SLC9A4: variants seen among roughly 807,000 people sequenced by gnomAD.
SLC9A4 encodes solute carrier family 9 member A4.
Under a neutral mutation model 67.4 loss-of-function variants are expected in SLC9A4, and 63 were observed. The observed-to-expected ratio is 0.93, with a 90% CI of 0.76 to 1.15. The LOEUF is 1.15. SLC9A4 is among the 50% of genes most tolerant of loss of function. The probability of loss-of-function intolerance (pLI) is 0.00; values close to 1 mark genes in which losing one functional copy is unlikely to be tolerated. For missense variants in SLC9A4, 1,089 were observed against 987.7 expected (o/e 1.10, Z -1.38); for synonymous variants, 393 against 367.2 (o/e 1.07, Z -0.80).
At position 102,523,133 on chromosome 2, in the gene SLC9A4, A is replaced by ATT. The variant is rs33951404; in HGVS notation, c.1819-1879_1819-1878dup. ...GCAGGTTCACACCACCACACCCAGC[A>ATT]TTTTTTTTTTTTTGTATTTTTTGTA... is the stretch of plus-strand genomic sequence containing the variant. On this transcript the variant is annotated intron_variant, in intron 9 of 11. Transcript: ENST00000295269. Among the ~76,000 whole-genome samples, 77 of 148,432 alleles carry ATT rather than the reference A, an allele frequency of 5.2e-4. 1 individual carries two copies. In the East Asian group the frequency reaches 8.5e-3, roughly 16 times the overall value.
chr2:102,492,161 G>C (rs764824249), intron 2 of SLC9A4, among the ~76,000 whole-genome samples: 11 of 152,244 alleles, frequency 7.2e-5, no homozygotes, highest in Admixed American at 5.9e-4. Flanking sequence ...TCATGGGCTG[G>C]TGTTGAGGGT....
chr2:102,521,780 T>C (rs942223204), intron 9 of SLC9A4, among the ~76,000 whole-genome samples: 5 of 152,198 alleles, frequency 3.3e-5, no homozygotes, highest in Non-Finnish European at 7.3e-5. Flanking sequence ...GCCTGGGTGA[T>C]AGATGCAGGC....
rs1674809205 is a variant in SLC9A4 at position 102,532,888 on chromosome 2, G to C, written c.*200G>C. ...AGGCTCTGCCATGTACTTATTGTGG[G>C]GTACCTTTAGATGAATTCCCTGTGA... On this transcript the variant is annotated 3_prime_UTR_variant, in exon 12 of 12. Coordinates refer to ENST00000295269, the MANE Select transcript of SLC9A4 (RefSeq NM_001011552.4). The C allele has an allele frequency of 3.8e-6, 2 of 520,370 alleles. No individual in the cohort carries two copies. Among genetic ancestry groups the C allele is most frequent in the African/African-American group, 3.8e-5 (2 of 52,758 alleles). The allele number at this position is 520,370 out of a possible 1,614,324, so 32.2% of individuals were successfully genotyped here.
In SLC9A4 at chr2:102,525,155, G is replaced by T; in HGVS notation, c.1950G>T (p.Pro650=). ...RKGHSLPWGK[P]AGTKNIRYLS... The stretch of plus-strand genomic sequence containing the variant: ...GTCACAGCCTGCCCTGGGGAAAGCC[G>T]GTACATTGGGGCTGGGGACTGGGAC... Residue 650 remains proline, a splice_region_variant and synonymous_variant, in exon 10 of 12, where the codon CCG becomes CCT. Transcript: ENST00000295269. The T allele has an allele frequency of 6.2e-7, 1 of 1,613,772 alleles. No homozygotes were observed. The highest frequency in any genetic ancestry group is 1.7e-4 in the Middle Eastern group (1 of 6,048).
intron 6 of SLC9A4, among the ~76,000 whole-genome samples, chr2:102,511,717 T>C (rs948562068): frequency 2.6e-5 from 4 of 152,050 alleles, no homozygotes; most frequent in Non-Finnish European, 5.9e-5. Flanking sequence ...AGAGATACTT[T>C]GTTATTCTAT....
intron 11 of SLC9A4, among the ~76,000 whole-genome samples, chr2:102,530,342 A>G (rs913622394): frequency 8.5e-5 from 13 of 152,168 alleles, no homozygotes; most frequent in African/African-American, 3.1e-4. Flanking sequence ...TTTGTTGCCA[A>G]AGTATCCACT....
chr2:102,508,829 T>A lies in SLC9A4; in HGVS notation c.1402-18T>A. ...CTTCATTACAACAAAACCCTTTGTT[T>A]TGTTATTTCTGATCTAGGGAATCAC... On this transcript the variant is annotated intron_variant, in intron 5 of 11. Transcript: ENST00000295269. The A allele has an allele frequency of 6.3e-7, 1 of 1,596,812 alleles. No homozygotes were observed. The highest frequency in any genetic ancestry group is 8.5e-7 in the Non-Finnish European group (1 of 1,172,828).
At chr2:102,511,633 G>A (rs148080680) in intron 6 of SLC9A4, among the ~76,000 whole-genome samples, 2 of 151,894 alleles carry the variant, frequency 1.3e-5, no homozygotes, top group East Asian at 3.9e-4. Flanking sequence ...AACAATTTGG[G>A]TTAAAACAAA....
At chr2:102,509,663 C>T (rs1010874123) in intron 6 of SLC9A4, among the ~76,000 whole-genome samples, 7 of 152,140 alleles carry the variant, frequency 4.6e-5, no homozygotes, top group Admixed American at 6.6e-5. Flanking sequence ...TCAAAAATCC[C>T]AAATCTCAAT....
intron 2 of SLC9A4, among the ~76,000 whole-genome samples, chr2:102,481,605 A>T (rs1368132053): frequency 6.6e-6 from 1 of 152,236 alleles, no homozygotes; most frequent in Non-Finnish European, 1.5e-5. Context: ...ACTTGCTTAA[A>T]AAAAAGATTT....
At chr2:102,525,754 T>C (rs1674648276) in intron 10 of SLC9A4, among the ~76,000 whole-genome samples, 1 of 152,010 alleles carries the variant, frequency 6.6e-6, no homozygotes, top group Non-Finnish European at 1.5e-5. Flanking sequence ...TTGCTAATGG[T>C]CTATTTTATC....
Position 102,473,733 on chromosome 2 carries a change from G to A in SLC9A4, c.-27G>A, listed in dbSNP as rs1268084992. The A allele has an allele frequency of 5.6e-6, 9 of 1,611,172 alleles. No homozygotes were observed. Among genetic ancestry groups the A allele is most frequent in the Non-Finnish European group, 7.6e-6 (9 of 1,178,962 alleles). ...AGATGTGTGGCACACATCCACACAG[G>A]GGTGTAGGTAGGAGAAGCCCACAGG... On this transcript the variant is annotated 5_prime_UTR_variant, in exon 1 of 12. Transcript: ENST00000295269.
At chr2:102,498,026 A>T (rs1448824165) in intron 2 of SLC9A4, among the ~76,000 whole-genome samples, 2 of 152,208 alleles carry the variant, frequency 1.3e-5, no homozygotes, top group Non-Finnish European at 1.5e-5. Context: ...GTTAAAGGTA[A>T]CAAAAAGGAC....
rs755681579 is a variant in SLC9A4, at chr2:102,478,843, C to T, written c.261C>T (p.Phe87=). 6.2e-7 allele frequency: 1 copy of T among 1,613,578 alleles called. No homozygotes were observed. The highest frequency in any genetic ancestry group is 1.1e-5 in the South Asian group (1 of 91,036). Reference sequence around the variant, plus strand: ...CTGCTCTTCGCTGTTCTGCAGGCTTCCACCTCTACCACAGGCTGCCAGGCC... The same window carrying T: ...CTGCTCTTCGCTGTTCTGCAGGCTTTCACCTCTACCACAGGCTGCCAGGCC... ...ILLASLAKIG[F]HLYHRLPGLM... is the part of the protein sequence containing the mutation. Residue 87 remains phenylalanine, a synonymous_variant, in exon 2 of 12, where the codon TTC becomes TTT. Coordinates refer to ENST00000295269, the MANE Select transcript of SLC9A4 (RefSeq NM_001011552.4).
chr2:102,499,082 A>G (rs1684868696), intron 2 of SLC9A4, among the ~76,000 whole-genome samples: 1 of 152,186 alleles, frequency 6.6e-6, no homozygotes, highest in Admixed American at 6.5e-5. Context: ...TAGAGAGTTT[A>G]TTAAGCTCAT....
At chr2:102,478,275 C>T (rs571946871) in intron 1 of SLC9A4, among the ~76,000 whole-genome samples, 1 of 152,288 alleles carries the variant, frequency 6.6e-6, no homozygotes, top group East Asian at 1.9e-4. Context: ...AGAGTCATGA[C>T]ATAAGAAATA....
At chr2:102,480,838 C>T (rs1482033531) in intron 2 of SLC9A4, among the ~76,000 whole-genome samples, 1 of 152,194 alleles carries the variant, frequency 6.6e-6, no homozygotes, top group Non-Finnish European at 1.5e-5. Flanking sequence ...TATCAGTCAC[C>T]TGTACTTGCC....
intron 1 of SLC9A4, 101 bp from the exon 2 acceptor site, chr2:102,478,738 G>T: frequency 2.6e-6 from 3 of 1,175,852 alleles, no homozygotes; most frequent in Non-Finnish European, 3.6e-6. Flanking sequence ...TGAGATGCCA[G>T]TCAGCTTGTC....
chr2:102,522,624 C>T (rs1468365483), intron 9 of SLC9A4, among the ~76,000 whole-genome samples: 1 of 152,148 alleles, frequency 6.6e-6, no homozygotes, highest in Non-Finnish European at 1.5e-5. Context: ...CATGCACACA[C>T]ACACACACAC....
Sources: allele counts gnomAD v4.1 joint callset (sites outside exome capture counted in the v4.1 genomes callset), GRCh38; gene constraint gnomAD v4.1.1; transcripts MANE v1.5; gene names NCBI Gene and HGNC (gene_info 2026-07-23, HGNC 2026-07-21).